STXBP5: variants seen among roughly 807,000 people sequenced by gnomAD.
STXBP5 encodes the protein syntaxin binding protein 5, also known as syntaxin-binding protein 5.
STXBP5 carries 50 observed loss-of-function variants against 152.4 expected under a neutral mutation model. That is an observed-to-expected ratio of 0.33 (90% CI 0.26 to 0.42). The LOEUF (loss-of-function observed/expected upper bound fraction) is 0.42, where lower values mean the gene tolerates loss of function less well. STXBP5 is among the 10% of genes least tolerant of loss of function. STXBP5 has a pLI of 1.00. For synonymous variants in STXBP5, 492 were observed against 494.7 expected (o/e 0.99, Z 0.07); for missense variants, 1,167 against 1,388.6 (o/e 0.84, Z 2.54).
Position 147,385,151 on chromosome 6 carries a change from A to C in STXBP5, c.*396A>C. ...TTGACCTGTTTAGGGCAGAGGCAAT[A>C]AGTCAGAAGTCTTGAAGTTGAAATA... On this transcript the variant is annotated 3_prime_UTR_variant, in exon 28 of 28. Coordinates refer to ENST00000321680, the MANE Select transcript of STXBP5 (RefSeq NM_001127715.4). 1 of 175,102 alleles carries C rather than the reference A, an allele frequency of 5.7e-6. No homozygotes were observed. The highest frequency in any genetic ancestry group is 1.2e-5 in the Non-Finnish European group (1 of 84,150). The allele number at this position is 175,102 out of a possible 1,614,324, so 10.8% of individuals were successfully genotyped here. A position where few individuals can be genotyped will look rare whatever the true frequency, so the allele number is the denominator to read the frequency against.
At chr6:147,297,475 G>A (rs1319567122) in intron 9 of STXBP5, among the ~76,000 whole-genome samples, 5 of 152,126 alleles carry the variant, frequency 3.3e-5, no homozygotes, top group Non-Finnish European at 7.4e-5. Context: ...AGCAAGAAGT[G>A]AAAAGCAGGT....
intron 8 of STXBP5, among the ~76,000 whole-genome samples, chr6:147,280,296 G>C (rs148728753): frequency 6.6e-6 from 1 of 152,028 alleles, no homozygotes; most frequent in East Asian, 1.9e-4. Flanking sequence ...GATTTAGGTT[G>C]CACGTTTTTG....
intron 2 of STXBP5, among the ~76,000 whole-genome samples, chr6:147,207,365 C>T (rs12199571): frequency 0.019 from 2,866 of 152,262 alleles, 48 homozygotes; most frequent in Non-Finnish European, 0.026. Context: ...GTAAATACTA[C>T]GCAGTCATAC....
Position 147,311,802 on chromosome 6 carries a change from A to G in STXBP5, c.1145+275A>G, listed in dbSNP as rs534974207. 1.1e-4 allele frequency among the ~76,000 whole-genome samples: 17 copies of G among 152,306 alleles called. No homozygotes were observed. In the South Asian group the frequency reaches 1.9e-3, roughly 17 times the overall value. On this transcript the variant is annotated intron_variant, in intron 11 of 27. Coordinates refer to ENST00000321680, the MANE Select transcript of STXBP5 (RefSeq NM_001127715.4). The stretch of plus-strand genomic sequence containing the variant: ...CTTAGATATCCTGGGGCCACACAAA[A>G]TCAGCACGTCAAAAATTAATCCCAT...
chr6:147,323,378 A>G (rs1783037857), intron 16 of STXBP5, among the ~76,000 whole-genome samples: 1 of 150,306 alleles, frequency 6.7e-6, no homozygotes, highest in Admixed American at 6.6e-5. Flanking sequence ...ATCAACCTTC[A>G]TTGGCCTTTA....
In STXBP5 at chr6:147,257,114, A is replaced by G. The variant is rs73584514; in HGVS notation, c.432-3501A>G. Among the ~76,000 whole-genome samples, 627 of 151,916 alleles carry G rather than the reference A, an allele frequency of 4.1e-3. 4 individuals are homozygous for G. The highest frequency in any genetic ancestry group is 0.014 in the African/African-American group (589 of 41,476). On this transcript the variant is annotated intron_variant, in intron 4 of 27. Transcript: ENST00000321680. ...ACAGAACTGTCATGTTCCCAGTAAC[A>G]TGATTTGTAAGATATGTTTAAGTCA...
At chr6:147,228,161 A>G (rs556493) in intron 2 of STXBP5, among the ~76,000 whole-genome samples, 83,313 of 151,700 alleles carry the variant, frequency 0.55, 23,800 homozygotes, top group African/African-American at 0.71. Context: ...GTGTGTGTGC[A>G]TGTGTGTGTC....
At chr6:147,272,032 A>AATTCTCCC (rs1780197579) in intron 7 of STXBP5, among the ~76,000 whole-genome samples, 2 of 152,136 alleles carry the variant, frequency 1.3e-5, no homozygotes, top group Admixed American at 6.5e-5. Context: ...AATTTCCTTG[A>AATTCTCCC]AAGATCCCAA....
intron 21 of STXBP5, among the ~76,000 whole-genome samples, chr6:147,341,160 C>T (rs1169926147): frequency 6.6e-6 from 1 of 151,868 alleles, no homozygotes; most frequent in Non-Finnish European, 1.5e-5. Context: ...GGAGACTGCC[C>T]CATTTTAGAC....
chr6:147,278,069 A>G lies in STXBP5; in HGVS notation c.715-12A>G, dbSNP rs376905158. 3.5e-5 allele frequency: 56 copies of G among 1,595,256 alleles called. No individual in the cohort carries two copies. Among genetic ancestry groups the G allele is most frequent in the Non-Finnish European group, 4.1e-5 (48 of 1,170,378 alleles). On this transcript the variant is annotated splice_polypyrimidine_tract_variant and intron_variant, in intron 7 of 27. Coordinates refer to ENST00000321680, the MANE Select transcript of STXBP5 (RefSeq NM_001127715.4). ...ATAGATTTTTTAAATGGTATTTTTC[A>G]TCCTTCTATAGGCTATCCACTCTGT... is the stretch of plus-strand genomic sequence containing the variant.
intron 9 of STXBP5, chr6:147,292,422 G>A: frequency 1.5e-5 from 4 of 264,478 alleles, no homozygotes; most frequent in South Asian, 3.6e-5. Context: ...TGACATAGAT[G>A]GATAAAATGT....
chr6:147,373,677 T>G, intron 25 of STXBP5, 54 bp from the exon 26 acceptor site: 3 of 1,323,716 alleles, frequency 2.3e-6, no homozygotes, highest in Non-Finnish European at 3.3e-6. Context: ...TTTTGTTCAT[T>G]ATAGTTTAGT....
rs80245345 is a variant in STXBP5 at position 147,321,569 on chromosome 6, C to T, written c.1803-3390C>T. Reference sequence around the variant, plus strand: ...CCAGGGTGACAGAGTGAGTTTCTGTCTCTTAAAAAAAGAGGTAAAAAAGAA... The same window carrying T: ...CCAGGGTGACAGAGTGAGTTTCTGTTTCTTAAAAAAAGAGGTAAAAAAGAA... On this transcript the variant is annotated intron_variant, in intron 16 of 27. Coordinates refer to ENST00000321680, the MANE Select transcript of STXBP5 (RefSeq NM_001127715.4). Among the ~76,000 whole-genome samples the T allele has an allele frequency of 7.2e-3, 1,095 of 152,104 alleles. 14 individuals are homozygous for T. The highest frequency in any genetic ancestry group is 0.025 in the African/African-American group (1,050 of 41,478).
At chr6:147,228,904 G>A (rs1353538634) in intron 2 of STXBP5, among the ~76,000 whole-genome samples, 1 of 151,776 alleles carries the variant, frequency 6.6e-6, no homozygotes, top group African/African-American at 2.4e-5. Flanking sequence ...ATTTTTCTTG[G>A]GACTTTTACT....
chr6:147,254,922 A>T (rs990103710), intron 4 of STXBP5, among the ~76,000 whole-genome samples: 1 of 152,244 alleles, frequency 6.6e-6, no homozygotes, highest in East Asian at 1.9e-4. Context: ...TTCCTCAAGG[A>T]TCTACAACCA....
At chr6:147,358,665 C>T (rs1784918535) in intron 22 of STXBP5, among the ~76,000 whole-genome samples, 1 of 152,128 alleles carries the variant, frequency 6.6e-6, no homozygotes, top group South Asian at 2.1e-4. Context: ...AGTAGATTAA[C>T]ACATATTTTG....
At chr6:147,349,047 C>G (rs996752558) in intron 21 of STXBP5, among the ~76,000 whole-genome samples, 2 of 151,498 alleles carry the variant, frequency 1.3e-5, no homozygotes, top group Non-Finnish European at 2.9e-5. Flanking sequence ...TTCAAAATAA[C>G]TCAAAGATAA....
intron 4 of STXBP5, among the ~76,000 whole-genome samples, chr6:147,248,477 G>C (rs1324217752): frequency 3.3e-5 from 5 of 152,080 alleles, no homozygotes; most frequent in African/African-American, 1.2e-4. Context: ...ACAAAAGTCA[G>C]TCATCAGGAA....
chr6:147,285,144 T>G (rs144689388), intron 8 of STXBP5, among the ~76,000 whole-genome samples: 1 of 152,146 alleles, frequency 6.6e-6, no homozygotes, highest in East Asian at 1.9e-4. Context: ...GCATGGAAGT[T>G]TATGTGAGTT....
Sources: allele counts gnomAD v4.1 joint callset (sites outside exome capture counted in the v4.1 genomes callset), GRCh38; gene constraint gnomAD v4.1.1; transcripts MANE v1.5; gene names NCBI Gene and HGNC (gene_info 2026-07-23, HGNC 2026-07-21).